Variants in METTL15 observed in about 807,000 individuals in gnomAD.
The protein encoded by METTL15 is methyltransferase 15, mitochondrial 12S rRNA N4-cytidine, also known as 12S rRNA N(4)-cytidine methyltransferase METTL15.
A neutral mutation model predicts 38.3 loss-of-function variants in METTL15; 34 were observed. The observed-to-expected ratio is 0.89, with a 90% confidence interval of 0.68 to 1.18. The LOEUF (loss-of-function observed/expected upper bound fraction) is 1.18, where lower values mean the gene tolerates loss of function less well. METTL15 is among the 50% of genes most tolerant of loss of function. The pLI, the probability that METTL15 is intolerant of heterozygous loss-of-function variation, is 0.00. For missense variants in METTL15, 438 were observed against 498.4 expected, an observed-to-expected ratio of 0.88 and a Z score of 1.15; for synonymous variants, 162 against 170.9, an observed-to-expected ratio of 0.95 and a Z score of 0.41.
chr11:28,393,381 T>A (rs913610143), intron 5 of METTL15, among the ~76,000 whole-genome samples: 1 of 152,072 alleles, frequency 6.6e-6, no homozygotes, highest in African/African-American at 2.4e-5. Flanking sequence ...TACCCCAAAT[T>A]TAGTGGTTTA....
intron 6 of METTL15, among the ~76,000 whole-genome samples, chr11:28,504,605 G>A (rs548499512): frequency 1.3e-5 from 2 of 152,302 alleles, no homozygotes; most frequent in South Asian, 2.1e-4. Context: ...TAAGTCTTCT[G>A]ATAGAGTCTA....
At chr11:28,506,094 C>G (rs571055811) in intron 6 of METTL15, among the ~76,000 whole-genome samples, 2 of 152,306 alleles carry the variant, frequency 1.3e-5, no homozygotes, top group South Asian at 4.1e-4. Flanking sequence ...CCCCCACTAC[C>G]TTTTGGAGTT....
intron 6 of METTL15, among the ~76,000 whole-genome samples, chr11:28,516,156 A>C (rs963546403): frequency 7.2e-5 from 11 of 152,232 alleles, no homozygotes; most frequent in African/African-American, 2.7e-4. Context: ...AGAAAATTCA[A>C]ATTCAAGACA....
At chr11:28,256,155 A>T (rs1854963280) in intron 4 of METTL15, among the ~76,000 whole-genome samples, 1 of 152,154 alleles carries the variant, frequency 6.6e-6, no homozygotes, top group Admixed American at 6.5e-5. Flanking sequence ...ACTGGCCTGT[A>T]GTCGGTTTTG....
intron 5 of METTL15, among the ~76,000 whole-genome samples, chr11:28,370,838 T>C (rs1241246171): frequency 6.6e-6 from 1 of 152,088 alleles, no homozygotes; most frequent in Non-Finnish European, 1.5e-5. Flanking sequence ...TGTTGGTCAT[T>C]GATAGGTCTT....
At chr11:28,151,030 AG>A (rs1156719000) in intron 3 of METTL15, among the ~76,000 whole-genome samples, 12 of 151,130 alleles carry the variant, frequency 7.9e-5, no homozygotes, top group African/African-American at 2.4e-4. Flanking sequence ...AAAAAAGAAA[AG>A]GAAAAAAAGG....
rs774496262 is a variant in METTL15, at chr11:28,359,797, G to A, written c.*259-2140G>A. Among the ~76,000 whole-genome samples, 10 of 151,978 alleles carry A rather than the reference G, an allele frequency of 6.6e-5. No homozygotes were observed. In the South Asian group the frequency reaches 1.3e-3, roughly 19 times the overall value. ...ATGTTTTCTGTAAAATAATAACTCT[G>A]GTAAGGTTACCAGATCATTTACACT... On this transcript the variant is annotated intron_variant and NMD_transcript_variant, in intron 4 of 7. Coordinates refer to the METTL15 transcript ENST00000532947.
chr11:28,233,025 G>A (rs533435981), intron 4 of METTL15, among the ~76,000 whole-genome samples: 8 of 151,932 alleles, frequency 5.3e-5, no homozygotes, highest in Non-Finnish European at 8.8e-5. Context: ...GAATTGAAGC[G>A]GACAACAAAA....
chr11:28,243,144 CT>C (rs1320290609), intron 4 of METTL15, among the ~76,000 whole-genome samples: 2 of 150,850 alleles, frequency 1.3e-5, no homozygotes, highest in Non-Finnish European at 2.9e-5. Context: ...TCTAGAGGGA[CT>C]TTTAGATGAT....
At chr11:28,275,673 C>T (rs12420714) in intron 4 of METTL15, among the ~76,000 whole-genome samples, 13,025 of 148,588 alleles carry the variant, frequency 0.088, 1,007 homozygotes, top group East Asian at 0.36. Context: ...AGGCCAGTAG[C>T]CCTGATTAGC....
chr11:28,522,012 G>A (rs1420988247), intron 6 of METTL15, among the ~76,000 whole-genome samples: 1 of 152,184 alleles, frequency 6.6e-6, no homozygotes, highest in Non-Finnish European at 1.5e-5. Flanking sequence ...TTGGGACCCT[G>A]ACTAATACAG....
intron 4 of METTL15, among the ~76,000 whole-genome samples, chr11:28,217,795 G>C (rs1349705435): frequency 6.6e-6 from 1 of 152,108 alleles, no homozygotes; most frequent in African/African-American, 2.4e-5. Flanking sequence ...AGTTTTCCCA[G>C]CACCATTTAT....
At position 28,516,069 on chromosome 11, in the gene METTL15, G is replaced by A. The variant is rs143604667; in HGVS notation, c.*425-10409G>A. ...GTACCCTATGTTTTGAACATGTTGG[G>A]TTATTACAAAGAGAGGTGAATAAGA... On this transcript the variant is annotated intron_variant and NMD_transcript_variant, in intron 6 of 7. Coordinates refer to the METTL15 transcript ENST00000532947. Among the ~76,000 whole-genome samples the A allele has an allele frequency of 9.2e-5, 14 of 152,280 alleles. 1 individual carries two copies. Among genetic ancestry groups the A allele is most frequent in the African/African-American group, 3.4e-4 (14 of 41,552 alleles).
At chr11:28,489,432 C>T (rs1005393074) in intron 6 of METTL15, among the ~76,000 whole-genome samples, 2 of 152,138 alleles carry the variant, frequency 1.3e-5, no homozygotes, top group African/African-American at 4.8e-5. Flanking sequence ...CACCTGTTAT[C>T]GACAGGACAT....
intron 3 of METTL15, among the ~76,000 whole-genome samples, chr11:28,114,230 A>G (rs924508862): frequency 1.3e-5 from 2 of 152,112 alleles, no homozygotes; most frequent in African/African-American, 4.8e-5. Context: ...ATGGATTCAT[A>G]GATATGTGGC....
intron 3 of METTL15, among the ~76,000 whole-genome samples, chr11:28,152,264 C>G (rs1850116484): frequency 6.6e-6 from 1 of 151,650 alleles, no homozygotes; most frequent in Non-Finnish European, 1.5e-5. Flanking sequence ...AACTGCAGCA[C>G]ACTGCTAACC....
At chr11:28,521,507 T>G (rs1186249929) in intron 6 of METTL15, among the ~76,000 whole-genome samples, 1 of 152,148 alleles carries the variant, frequency 6.6e-6, no homozygotes, top group Non-Finnish European at 1.5e-5. Context: ...TCATATGAAG[T>G]TATTCCTTCT....
intron 5 of METTL15, among the ~76,000 whole-genome samples, chr11:28,394,369 C>T (rs1296932398): frequency 6.6e-6 from 1 of 152,018 alleles, no homozygotes; most frequent in South Asian, 2.1e-4. Flanking sequence ...TGTGAGTGAA[C>T]TTTGGCATCA....
chr11:28,144,160 A>G (rs959243921), intron 3 of METTL15, among the ~76,000 whole-genome samples: 5 of 152,162 alleles, frequency 3.3e-5, no homozygotes, highest in Non-Finnish European at 7.4e-5. Context: ...TTGTTTAATT[A>G]ATTCAGGCAG....
Sources: gnomAD v4.1 joint callset for allele counts (sites outside exome capture counted in the v4.1 genomes callset) on GRCh38, gnomAD v4.1.1 for gene constraint, MANE v1.5 for transcripts, NCBI Gene and HGNC (gene_info 2026-07-23, HGNC 2026-07-21) for gene names.